Variants in BEND3 observed in about 807,000 individuals in gnomAD.
BEND3 encodes the protein BEN domain-containing protein 3.
In BEND3, 13 loss-of-function variants were observed where a neutral mutation model predicts 60.1. The ratio of observed to expected loss-of-function variants is 0.22; its 90% CI spans 0.14 to 0.34. The LOEUF is 0.34. Among genes scored for constraint, BEND3 ranks in the 10% least tolerant of loss-of-function variants. The probability of loss-of-function intolerance (pLI) is 1.00; values close to 1 mark genes in which losing one functional copy is unlikely to be tolerated. For missense variants in BEND3, 896 were observed against 1,138.1 expected (o/e 0.79, Z 3.06); for synonymous variants, 497 against 491.5 (o/e 1.01, Z -0.15).
At chr6:107,102,758 G>A (rs552711030) in intron 1 of BEND3, among the ~76,000 whole-genome samples, 1 of 152,328 alleles carries the variant, frequency 6.6e-6, no homozygotes, top group East Asian at 1.9e-4. Context: ...AGTGGGGAGT[G>A]AGGTGAGCAT....
At chr6:107,114,958 C>G (rs1369017334) in intron 1 of BEND3, 132 bp downstream of exon 1, 2 of 147,024 alleles carry the variant, frequency 1.4e-5, no homozygotes, top group Non-Finnish European at 3.0e-5. Flanking sequence ...CGGAGCAGCC[C>G]CCCTCCGCGT....
In BEND3 at chr6:107,069,970, T is replaced by C; in HGVS notation, c.1221A>G (p.Pro407=). The change falls in exon 4 of 4, where the codon CCA becomes CCG. Residue 407 remains proline (P), a synonymous_variant. Coordinates refer to ENST00000369042, the MANE Select transcript of BEND3 (RefSeq NM_001367314.1). The stretch of plus-strand genomic sequence containing the variant: ...GGAGGAGGAAGACGGCAAACTCGCC[T>C]GGTGAGGAGGCTTCGTCCAGGAACT... ...LTEFLDEASS[P]GEFAVFLLHR... The C allele has an allele frequency of 6.2e-7, 1 of 1,613,066 alleles. No homozygotes were observed. The highest frequency in any genetic ancestry group is 8.5e-7 in the Non-Finnish European group (1 of 1,179,778).
chr6:107,071,565 C>T (rs1324697152), intron 3 of BEND3, among the ~76,000 whole-genome samples: 2 of 152,178 alleles, frequency 1.3e-5, no homozygotes, highest in Non-Finnish European at 2.9e-5. Context: ...CCTGAAATCA[C>T]ATCTTAGACC....
rs782670547 is a variant in BEND3 at position 107,069,316 on chromosome 6, G to C, written c.1875C>G (p.Ala625=). 3 of 1,574,414 alleles carry C rather than the reference G, an allele frequency of 1.9e-6. No homozygotes were observed. The highest frequency in any genetic ancestry group is 1.7e-6 in the Non-Finnish European group (2 of 1,152,010). ...RHYVQLLYPR[A]KNDRVWTLEF... The stretch of plus-strand genomic sequence containing the variant: ...CCAGGGTCCAGACGCGGTCGTTTTT[G>C]GCGCGTGGGTAGAGCAGCTGCACGT... Residue 625 remains alanine (A), a synonymous_variant, in exon 4 of 4, where the codon GCC becomes GCG. Transcript: ENST00000369042.
intron 1 of BEND3, among the ~76,000 whole-genome samples, chr6:107,107,766 G>T (rs1160312769): frequency 2.6e-5 from 4 of 152,164 alleles, no homozygotes; most frequent in African/African-American, 9.7e-5. Context: ...CCAGCCTAAA[G>T]TACATTTTAA....
intron 3 of BEND3, among the ~76,000 whole-genome samples, chr6:107,081,659 T>C (rs782781492): frequency 2.6e-5 from 4 of 152,010 alleles, no homozygotes; most frequent in Non-Finnish European, 5.9e-5. Flanking sequence ...ATATGAGAAA[T>C]ACGCCAATGC....
At chr6:107,101,455 T>C (rs1260734434) in intron 1 of BEND3, among the ~76,000 whole-genome samples, 1 of 152,174 alleles carries the variant, frequency 6.6e-6, no homozygotes, top group African/African-American at 2.4e-5. Flanking sequence ...TCAAGAACAG[T>C]GCACAATAGT....
chr6:107,097,761 G>A (rs1775616245), intron 3 of BEND3, among the ~76,000 whole-genome samples: 1 of 121,030 alleles, frequency 8.3e-6, no homozygotes, highest in South Asian at 2.8e-4. Context: ...CTGCACTCCA[G>A]CCTGGGCAAG....
chr6:107,094,897 G>T (rs986605125), intron 3 of BEND3, among the ~76,000 whole-genome samples: 2 of 149,614 alleles, frequency 1.3e-5, no homozygotes, highest in African/African-American at 4.9e-5. Context: ...CATGGTTCAC[G>T]GCAGCCCCGA....
At position 107,070,913 on chromosome 6, in the gene BEND3, G is replaced by A. The variant is rs146250794; in HGVS notation, c.278C>T (p.Ser93Leu). 139 of 1,613,486 alleles carry A rather than the reference G, an allele frequency of 8.6e-5. No homozygotes were observed. The highest frequency in any genetic ancestry group is 3.3e-4 in the Middle Eastern group (2 of 6,070). ...LAGMRNRENS[S>L]PCQGNGEQAG... Reference sequence around the variant, plus strand: ...CTGCTCACCATTGCCTTGGCAGGGCGAGCTGTTCTCACGGTTCCGCATGCC... The same window carrying A: ...CTGCTCACCATTGCCTTGGCAGGGCAAGCTGTTCTCACGGTTCCGCATGCC... Residue 93 changes from serine (S) to leucine (L), a missense_variant, in exon 4 of 4, where the codon TCG (serine) becomes TTG (leucine). By Grantham distance (145) the Ser-to-Leu change is moderately radical (BLOSUM62 -2). Coordinates refer to ENST00000369042, the MANE Select transcript of BEND3 (RefSeq NM_001367314.1). This position sits in a 1 kb window ranked among gnomAD's most constrained non-coding sequence, Gnocchi z 6.9.
chr6:107,110,086 C>T (rs1775910480), intron 1 of BEND3, among the ~76,000 whole-genome samples: 1 of 151,526 alleles, frequency 6.6e-6, no homozygotes, highest in African/African-American at 2.4e-5. Flanking sequence ...ATAGTCCCAG[C>T]TACTCAAGAG....
chr6:107,090,170 G>A (rs1434627766), intron 3 of BEND3, among the ~76,000 whole-genome samples: 1 of 151,968 alleles, frequency 6.6e-6, no homozygotes, highest in African/African-American at 2.4e-5. Context: ...CCAACATGGA[G>A]AAACCCTGTC....
In BEND3 at chr6:107,070,915, G is replaced by A; in HGVS notation, c.276C>T (p.Ser92=). ...LLAGMRNREN[S]SPCQGNGEQA... ...GCTCACCATTGCCTTGGCAGGGCGAGCTGTTCTCACGGTTCCGCATGCCTG... is the reference window on the plus strand; with the variant it reads ...GCTCACCATTGCCTTGGCAGGGCGAACTGTTCTCACGGTTCCGCATGCCTG... The change falls in exon 4 of 4, where the codon AGC becomes AGT. Residue 92 remains serine, a synonymous_variant. Transcript: ENST00000369042. This position sits in a 1 kb window ranked among gnomAD's most constrained non-coding sequence, Gnocchi z 6.9. The A allele has an allele frequency of 6.2e-7, 1 of 1,613,624 alleles. No individual in the cohort carries two copies. The highest frequency in any genetic ancestry group is 1.1e-5 in the South Asian group (1 of 91,044).
intron 3 of BEND3, among the ~76,000 whole-genome samples, chr6:107,096,534 C>G (rs1002838057): frequency 6.6e-6 from 1 of 152,158 alleles, no homozygotes; most frequent in African/African-American, 2.4e-5. Context: ...ATCGCTTGAA[C>G]AAGGAGACAG....
At chr6:107,075,118 A>G (rs1397282351) in intron 3 of BEND3, among the ~76,000 whole-genome samples, 2 of 151,804 alleles carry the variant, frequency 1.3e-5, no homozygotes, top group Non-Finnish European at 2.9e-5. Context: ...ATTAGCCACT[A>G]GGGAGGCTTA....
chr6:107,113,446 AAAAAAAAC>A (rs1487586646), intron 1 of BEND3, among the ~76,000 whole-genome samples: 3 of 141,930 alleles, frequency 2.1e-5, no homozygotes, highest in African/African-American at 5.3e-5. Context: ...TCAAAAAAAA[AAAAAAAAC>A]AAAAAAAAAA....
At chr6:107,083,866 T>C (rs1234367320) in intron 3 of BEND3, among the ~76,000 whole-genome samples, 6 of 152,044 alleles carry the variant, frequency 3.9e-5, no homozygotes, top group Non-Finnish European at 8.8e-5. Flanking sequence ...AGGTGGGAGA[T>C]TCCTTGAGGC....
In BEND3 at chr6:107,106,612, A is replaced by AT. The variant is rs1335716860; in HGVS notation, c.-11-7317dup. 3.9e-4 allele frequency among the ~76,000 whole-genome samples: 58 copies of AT among 149,416 alleles called. No homozygotes were observed. The East Asian group carries it at 4.3e-3, about 11-fold the overall frequency. ...CCCTGGCTTTTAATCCAGTTTTTTC[A>AT]TTTTTTTTTTCCCCAGAGATGGGGG... is the stretch of plus-strand genomic sequence containing the variant. On this transcript the variant is annotated intron_variant, in intron 1 of 3. Coordinates refer to ENST00000369042, the MANE Select transcript of BEND3 (RefSeq NM_001367314.1).
Position 107,073,197 on chromosome 6 carries a change from GTATGTATATATATATATATATATA to G in BEND3, c.241-2271_241-2248del, listed in dbSNP as rs1358936672. Among the ~76,000 whole-genome samples the G allele has an allele frequency of 9.9e-3, 300 of 30,212 alleles. 28 individuals are homozygous for G. Among genetic ancestry groups the G allele is most frequent in the African/African-American group, 0.019 (271 of 14,434 alleles). The allele number at this position is 30,212 out of a possible 152,430, so 19.8% of individuals were successfully genotyped here. A position where few individuals can be genotyped will look rare whatever the true frequency, so the allele number is the denominator to read the frequency against. Reference sequence around the variant, plus strand: ...AATACTTCCTTCAGGGTTTGTATGTGTATGTATATATATATATATATATATATATATATATATATATATATATAT... The same window carrying G: ...AATACTTCCTTCAGGGTTTGTATGTGTATATATATATATATATATATATAT... On this transcript the variant is annotated intron_variant, in intron 3 of 3. Transcript: ENST00000369042.
Sources: allele counts gnomAD v4.1 joint callset (sites outside exome capture counted in the v4.1 genomes callset), GRCh38; gene constraint gnomAD v4.1.1; non-coding constraint Gnocchi (gnomAD v3.1); transcripts MANE v1.5; gene names NCBI Gene and HGNC (gene_info 2026-07-23, HGNC 2026-07-21).